The following SDR16C5 variants were observed in gnomAD, a reference collection of about 807,000 sequenced individuals.
The protein encoded by SDR16C5 is epidermal retinol dehydrogenase 2.
SDR16C5 carries 20 observed loss-of-function variants against 27.7 expected under a neutral mutation model. That is an observed-to-expected ratio of 0.72 (90% CI 0.51 to 1.05). The LOEUF (loss-of-function observed/expected upper bound fraction) is 1.05. Ranked by LOEUF, SDR16C5 falls within the 50% of genes least tolerant of loss-of-function variation. The pLI, the probability that SDR16C5 is intolerant of heterozygous loss-of-function variation, is 0.00. For missense variants in SDR16C5, 374 were observed against 366.3 expected, an observed-to-expected ratio of 1.02 and a Z score of -0.17; for synonymous variants, 139 against 132.3, an observed-to-expected ratio of 1.05 and a Z score of -0.35.
chr8:56,305,359 G>A (rs570958853), intron 6 of SDR16C5, among the ~76,000 whole-genome samples: 1 of 152,022 alleles, frequency 6.6e-6, no homozygotes, highest in African/African-American at 2.4e-5. Context: ...AGAATAATTC[G>A]ATACTAAGGT....
Position 56,301,595 on chromosome 8 carries a change from ACTTT to A in SDR16C5, c.837-26_837-23del. 2.6e-6 allele frequency: 4 copies of A among 1,551,240 alleles called. No individual in the cohort carries two copies. In the South Asian group the frequency reaches 3.4e-5, roughly 13 times the overall value. ...AAAGCTAAAGAGAACACAAGAATAA[ACTTT>A]CTTTATTATCATTCATGAAAGCCTC... On this transcript the variant is annotated intron_variant, in intron 6 of 6. Transcript: ENST00000303749.
rs1814887389 is a variant in SDR16C5, at chr8:56,306,565, C to T, written c.710+111G>A. The T allele has an allele frequency of 3.0e-6, 3 of 990,750 alleles. No individual in the cohort carries two copies. The Admixed American group carries it at 8.9e-5, about 29-fold the overall frequency. The allele number at this position is 990,750 out of a possible 1,614,324, so 61.4% of individuals were successfully genotyped here. ...CAGAATTCTAAAACCATTTATAAATCATACTGAATCCCAGAACAATATATT... is the reference window on the plus strand; with the variant it reads ...CAGAATTCTAAAACCATTTATAAATTATACTGAATCCCAGAACAATATATT... On this transcript the variant is annotated intron_variant, in intron 5 of 6. Transcript: ENST00000303749.
chr8:56,316,244 C>A lies in SDR16C5; in HGVS notation c.104G>T (p.Arg35Leu), dbSNP rs772872361. The change falls in exon 2 of 7, where the codon CGG (arginine) becomes CTG (leucine). Residue 35 changes from arginine to leucine, a missense_variant. Transcript: ENST00000303749. ...GACTATTTCACCAGCAACGTTCTTC[C>A]GTGGCTTTGGGAGTAAGGCAAAAAT... ...AMIFALLPKP[R>L]KNVAGEIVLI... is the part of the protein sequence containing the mutation. 1 of 1,614,020 alleles carries A rather than the reference C, an allele frequency of 6.2e-7. No individual in the cohort carries two copies. Among genetic ancestry groups the A allele is most frequent in the Admixed American group, 1.7e-5 (1 of 60,022 alleles).
In SDR16C5 at chr8:56,306,787, A is replaced by G; in HGVS notation, c.599T>C (p.Phe200Ser). ...TGTTTCTACAAATACAGATTCAGCA[A>G]ACCCAAAGGCTGCAAATTTACTTGC... ...YCASKFAAFG[F>S]AESVFVETFV... Residue 200 changes from phenylalanine to serine, a missense_variant, in exon 5 of 7, where the codon TTT (phenylalanine) becomes TCT (serine). Phe to Ser is a radical substitution (Grantham distance 155, BLOSUM62 -2). Transcript: ENST00000303749. 6.2e-7 allele frequency: 1 copy of G among 1,613,288 alleles called. No homozygotes were observed. The highest frequency in any genetic ancestry group is 8.5e-7 in the Non-Finnish European group (1 of 1,179,850).
At chr8:56,315,585 G>A (rs182337006) in intron 2 of SDR16C5, among the ~76,000 whole-genome samples, 3 of 152,172 alleles carry the variant, frequency 2.0e-5, no homozygotes, top group East Asian at 1.9e-4. Flanking sequence ...TCTGTATCTC[G>A]AGTCCTTATT....
chr8:56,308,899 G>C (rs376434892), intron 4 of SDR16C5, 29 bp downstream of exon 4: 1 of 1,483,908 alleles, frequency 6.7e-7, no homozygotes, highest in African/African-American at 1.4e-5. Context: ...AGGGAATTTT[G>C]CAATTGTAAA....
chr8:56,312,244 G>A lies in SDR16C5; in HGVS notation c.378C>T (p.Ala126=), dbSNP rs1014394498. The part of the protein sequence containing the change: ...VGDVSILINN[A]GIVTGKKFLD... Reference sequence around the variant, plus strand: ...GGAACTTTTTGCCTGTTACGATTCCGGCATTGTTGATTAGGATGGAAACAT... The same window carrying A: ...GGAACTTTTTGCCTGTTACGATTCCAGCATTGTTGATTAGGATGGAAACAT... The change falls in exon 3 of 7, where the codon GCC becomes GCT. Residue 126 remains alanine, a synonymous_variant. Transcript: ENST00000303749. The A allele has an allele frequency of 1.2e-5, 19 of 1,613,220 alleles. No individual in the cohort carries two copies. Among genetic ancestry groups the A allele is most frequent in the African/African-American group, 9.3e-5 (7 of 74,886 alleles).
In SDR16C5 at chr8:56,310,108, A is replaced by AGGAGGAGAAGGAAGGAGGAGGAGGAG. The variant is rs1228314968; in HGVS notation, c.466-1107_466-1082dup. Among the ~76,000 whole-genome samples the AGGAGGAGAAGGAAGGAGGAGGAGGAG allele has an allele frequency of 8.7e-5, 11 of 125,908 alleles. 1 individual carries two copies. The highest frequency in any genetic ancestry group is 3.5e-4 in the African/African-American group (11 of 31,008). The allele number at this position is 125,908 out of a possible 152,430, so 82.6% of individuals were successfully genotyped here. ...AGAAGAAGGAGGAAGAGGAGGAAGG[A>AGGAGGAGAAGGAAGGAGGAGGAGGAG]GGAGGAGAAGGAAGGAGGAGGAGGA... is the stretch of plus-strand genomic sequence containing the variant. On this transcript the variant is annotated intron_variant, in intron 3 of 6. Transcript: ENST00000303749.
intron 2 of SDR16C5, among the ~76,000 whole-genome samples, chr8:56,315,309 C>T (rs987418778): frequency 2.6e-5 from 4 of 151,688 alleles, no homozygotes; most frequent in African/African-American, 4.8e-5. Flanking sequence ...AAGAAAATCC[C>T]TACCATCTTC....
At position 56,306,757 on chromosome 8, in the gene SDR16C5, AC is replaced by A; in HGVS notation, c.628del (p.Val210SerfsTer17). On this transcript the variant is annotated frameshift_variant, in exon 5 of 7. Coordinates refer to ENST00000303749, the MANE Select transcript of SDR16C5 (RefSeq NM_138969.4). LOFTEE classifies it high-confidence loss of function. Reference protein sequence around the residue: ...FAESVFVETFVQKQKGIKTTI... With the variant: ...FAESVFVETFXQKQKGIKTTI... ...GGTTTTGATCCCCTTTTGTTTTTGGACAAATGTTTCTACAAATACAGATTCA... is the reference window on the plus strand; with the variant it reads ...GGTTTTGATCCCCTTTTGTTTTTGGAAAATGTTTCTACAAATACAGATTCA... 6.2e-7 allele frequency: 1 copy of A among 1,613,608 alleles called. No homozygotes were observed. The highest frequency in any genetic ancestry group is 1.1e-5 in the South Asian group (1 of 90,824).
At chr8:56,311,473 G>A (rs1212068112) in intron 3 of SDR16C5, among the ~76,000 whole-genome samples, 1 of 152,124 alleles carries the variant, frequency 6.6e-6, no homozygotes, top group Non-Finnish European at 1.5e-5. Flanking sequence ...ATAAAAGCTG[G>A]GAGAGGCAGC....
At chr8:56,310,710 C>CT (rs1421717044) in intron 3 of SDR16C5, among the ~76,000 whole-genome samples, 2 of 122,002 alleles carry the variant, frequency 1.6e-5, no homozygotes, top group Non-Finnish European at 3.4e-5. Context: ...AAGTGATACT[C>CT]TATCTCAAAA....
At chr8:56,318,358 C>A (rs1015102447) in intron 1 of SDR16C5, among the ~76,000 whole-genome samples, 1 of 152,186 alleles carries the variant, frequency 6.6e-6, no homozygotes, top group Non-Finnish European at 1.5e-5. Context: ...ATTGATCAGG[C>A]CTCTCAGGCA....
chr8:56,308,669 TCA>T (rs1814946035), intron 4 of SDR16C5, among the ~76,000 whole-genome samples: 1 of 152,212 alleles, frequency 6.6e-6, no homozygotes, highest in African/African-American at 2.4e-5. Context: ...AAAAAATTTA[TCA>T]GTGAGGCCTC....
At chr8:56,309,484 A>G in intron 3 of SDR16C5, 1 of 985,394 alleles carries the variant, frequency 1.0e-6, no homozygotes, top group African/African-American at 1.7e-5. Context: ...ACTTTGTTTT[A>G]AACTCATCTC....
intron 3 of SDR16C5, among the ~76,000 whole-genome samples, chr8:56,311,601 G>A (rs568581139): frequency 2.6e-5 from 4 of 152,282 alleles, no homozygotes; most frequent in South Asian, 2.1e-4. Flanking sequence ...TGCTTTTAGC[G>A]CTGGTAGCAG....
intron 1 of SDR16C5, among the ~76,000 whole-genome samples, chr8:56,317,248 C>G (rs925077890): frequency 2.0e-5 from 3 of 152,054 alleles, no homozygotes; most frequent in African/African-American, 7.2e-5. Context: ...CAGATGTTAT[C>G]ACATTTCTCA....
At chr8:56,319,401 A>G (rs1221530839) in intron 1 of SDR16C5, among the ~76,000 whole-genome samples, 1 of 152,254 alleles carries the variant, frequency 6.6e-6, no homozygotes, top group Non-Finnish European at 1.5e-5. Flanking sequence ...GGCTATATCA[A>G]TTAAATATGG....
intron 6 of SDR16C5, among the ~76,000 whole-genome samples, chr8:56,303,361 A>G (rs1814808288): frequency 1.3e-5 from 2 of 151,062 alleles, no homozygotes; most frequent in South Asian, 4.2e-4. Context: ...ACTTGCACCC[A>G]TCTACCTCCC....
Sources: gnomAD v4.1 joint callset for allele counts (sites outside exome capture counted in the v4.1 genomes callset) on GRCh38, gnomAD v4.1.1 for gene constraint, MANE v1.5 for transcripts, NCBI Gene and HGNC (gene_info 2026-07-23, HGNC 2026-07-21) for gene names.